The following VAMP4 variants were observed in gnomAD, a reference collection of about 807,000 sequenced individuals.
VAMP4 encodes the protein vesicle-associated membrane protein 4.
A neutral mutation model predicts 23.5 loss-of-function variants in VAMP4; 19 were observed. The ratio of observed to expected loss-of-function variants is 0.81; its 90% confidence interval spans 0.56 to 1.19. VAMP4 has a LOEUF of 1.19. Among genes scored for constraint, VAMP4 ranks in the 50% most tolerant of loss-of-function variants. The pLI, the probability that VAMP4 is intolerant of heterozygous loss-of-function variation, is 0.00. For missense variants in VAMP4, 145 were observed against 168.6 expected (o/e 0.86, Z 0.78); for synonymous variants, 31 against 51.0 (o/e 0.61, Z 1.67).
chr1:171,724,403 C>T (rs1655299474), intron 3 of VAMP4, among the ~76,000 whole-genome samples: 1 of 152,020 alleles, frequency 6.6e-6, no homozygotes. Context: ...AGCACACCAA[C>T]ATGGCACATG....
intron 4 of VAMP4, among the ~76,000 whole-genome samples, chr1:171,718,441 G>A (rs569442117): frequency 4.4e-4 from 67 of 152,170 alleles, no homozygotes; most frequent in African/African-American, 1.5e-3. Flanking sequence ...TCCCTCAAGT[G>A]ACTCACTGCT....
At chr1:171,726,520 T>G (rs1655376764) in intron 3 of VAMP4, among the ~76,000 whole-genome samples, 1 of 152,186 alleles carries the variant, frequency 6.6e-6, no homozygotes, top group Non-Finnish European at 1.5e-5. Flanking sequence ...AAAGGATTGA[T>G]CAGGTCAACT....
chr1:171,721,099 G>A (rs537247498), intron 3 of VAMP4, among the ~76,000 whole-genome samples: 22 of 152,080 alleles, frequency 1.4e-4, no homozygotes, highest in African/African-American at 5.1e-4. Context: ...AAAATCCAAC[G>A]TCAGCTAATG....
chr1:171,703,403 GTGTGTGTGTGTGTGTT>G lies in VAMP4; in HGVS notation c.*1087_*1102del. 9.8e-6 allele frequency: 1 copy of G among 101,888 alleles called. No individual in the cohort carries two copies. Among genetic ancestry groups the G allele is most frequent in the Non-Finnish European group, 2.0e-5 (1 of 50,466 alleles). 6.3% of individuals were successfully genotyped at this position (101,888 alleles called of 1,614,324 possible). On this transcript the variant is annotated 3_prime_UTR_variant, in exon 8 of 8. Transcript: ENST00000236192. ...TTATCATATGTGTGCGTGTGTGTGT[GTGTGTGTGTGTGTGTT>G]TGTGTGTATATATATATATATATAT...
chr1:171,727,318 C>G (rs1655408035), intron 3 of VAMP4, among the ~76,000 whole-genome samples: 1 of 144,778 alleles, frequency 6.9e-6, no homozygotes, highest in South Asian at 2.3e-4. Context: ...TGAACACATA[C>G]TTCACCAAAG....
rs547213270 is a variant in VAMP4 at position 171,728,827 on chromosome 1, T to C, written c.67-257A>G. Among the ~76,000 whole-genome samples the C allele has an allele frequency of 2.0e-3, 304 of 152,288 alleles. 3 individuals carry two copies. Among genetic ancestry groups the C allele is most frequent in the South Asian group, 0.011 (51 of 4,824 alleles). ...GGTAGAAAGGTCACTGAAGCTGGTA[T>C]GGGAGTGAGGAACTGCAGGTAGTCA... is the stretch of plus-strand genomic sequence containing the variant. On this transcript the variant is annotated intron_variant, in intron 2 of 7. Transcript: ENST00000236192.
chr1:171,730,057 T>C (rs918558601), intron 2 of VAMP4, among the ~76,000 whole-genome samples: 3 of 152,126 alleles, frequency 2.0e-5, no homozygotes, highest in Admixed American at 1.3e-4. Context: ...CTCTAGGAGC[T>C]AGGAAAAGCA....
chr1:171,735,790 T>C (rs897784796), intron 2 of VAMP4, among the ~76,000 whole-genome samples: 1 of 152,204 alleles, frequency 6.6e-6, no homozygotes, highest in Non-Finnish European at 1.5e-5. Flanking sequence ...CTGGGTTCCT[T>C]TATAGGTTCA....
chr1:171,713,410 G>T (rs1654918223), intron 4 of VAMP4, among the ~76,000 whole-genome samples: 1 of 151,950 alleles, frequency 6.6e-6, no homozygotes, highest in African/African-American at 2.4e-5. Context: ...TAGCTATTAT[G>T]GATATTAATA....
intron 2 of VAMP4, among the ~76,000 whole-genome samples, chr1:171,735,521 A>G (rs1386530367): frequency 1.3e-5 from 2 of 152,184 alleles, no homozygotes; most frequent in Non-Finnish European, 2.9e-5. Flanking sequence ...GGACTGAGGT[A>G]TTTACCTGAC....
chr1:171,707,042 A>G (rs1186950086), intron 6 of VAMP4, among the ~76,000 whole-genome samples: 1 of 152,170 alleles, frequency 6.6e-6, no homozygotes, highest in Non-Finnish European at 1.5e-5. Context: ...CAATGAATAG[A>G]GTTTTCTTCC....
chr1:171,739,373 G>C (rs1486360232), intron 1 of VAMP4, among the ~76,000 whole-genome samples: 4 of 152,226 alleles, frequency 2.6e-5, no homozygotes, highest in Admixed American at 2.6e-4. Flanking sequence ...GGCACACCTG[G>C]AGAGGGCACA....
intron 7 of VAMP4, among the ~76,000 whole-genome samples, chr1:171,705,949 A>ATACT (rs1654635886): frequency 6.6e-6 from 1 of 152,160 alleles, no homozygotes; most frequent in Non-Finnish European, 1.5e-5. Flanking sequence ...ATTTGGATTT[A>ATACT]TACTTCCAAA....
rs770635570 is a variant in VAMP4 at position 171,738,463 on chromosome 1, C to T, written c.-49G>A. ...TTGCTTCTCAACAGGATAGTCACCA[C>T]CTTAAAGAGAAAATAAATTTCATCA... On this transcript the variant is annotated splice_region_variant and 5_prime_UTR_variant, in exon 2 of 8. It adds an upstream start codon to the 5' untranslated region. Transcript: ENST00000236192. 3 of 1,558,832 alleles carry T rather than the reference C, an allele frequency of 1.9e-6. No homozygotes were observed. The highest frequency in any genetic ancestry group is 2.2e-5 in the East Asian group (1 of 44,600).
At chr1:171,712,731 G>A (rs916292536) in intron 4 of VAMP4, among the ~76,000 whole-genome samples, 6 of 152,162 alleles carry the variant, frequency 3.9e-5, no homozygotes, top group Non-Finnish European at 7.4e-5. Flanking sequence ...AGTTAAAGGT[G>A]TTCATCCTAT....
chr1:171,703,349 T>TCTC lies in VAMP4; in HGVS notation c.*1154_*1156dup, dbSNP rs999134472. ...AAAACAGGCTTAGGTTAATGGTCACTCTCTAGCATTTGGTTACCGACTGAC... is the reference window on the plus strand; with the variant it reads ...AAAACAGGCTTAGGTTAATGGTCACTCTCCTCTAGCATTTGGTTACCGACTGAC... On this transcript the variant is annotated 3_prime_UTR_variant, in exon 8 of 8. Coordinates refer to ENST00000236192, the MANE Select transcript of VAMP4 (RefSeq NM_003762.5). The TCTC allele has an allele frequency of 6.7e-6, 1 of 148,390 alleles. No individual in the cohort carries two copies. The highest frequency in any genetic ancestry group is 1.5e-5 in the Non-Finnish European group (1 of 66,980). The allele number at this position is 148,390 out of a possible 1,614,324, so 9.2% of individuals were successfully genotyped here. A position where few individuals can be genotyped will look rare whatever the true frequency, so the allele number is the denominator to read the frequency against.
At chr1:171,727,592 A>G (rs1655415844) in intron 3 of VAMP4, among the ~76,000 whole-genome samples, 1 of 152,212 alleles carries the variant, frequency 6.6e-6, no homozygotes, top group Non-Finnish European at 1.5e-5. Flanking sequence ...ACTCCTAGGT[A>G]TTTTTATTTC....
Position 171,703,220 on chromosome 1 carries a change from C to T in VAMP4, c.*1286G>A, listed in dbSNP as rs1017558470. ...CAGAATCACTAATTTTATTATAAAG[C>T]TTCCTCTCCCCACACCTTAGGGGAC... On this transcript the variant is annotated 3_prime_UTR_variant, in exon 8 of 8. Coordinates refer to ENST00000236192, the MANE Select transcript of VAMP4 (RefSeq NM_003762.5). 12 of 151,274 alleles carry T rather than the reference C, an allele frequency of 7.9e-5. No homozygotes were observed. The highest frequency in any genetic ancestry group is 2.9e-4 in the African/African-American group (12 of 41,318). The allele number at this position is 151,274 out of a possible 1,614,324, so 9.4% of individuals were successfully genotyped here.
In VAMP4 at chr1:171,704,015, G is replaced by C. The variant is rs1654565708; in HGVS notation, c.*491C>G. ...AGCTTTTGTTACACCTATAAATGTG[G>C]AAATTGCTTGCAAAACAACTGTAAT... On this transcript the variant is annotated 3_prime_UTR_variant, in exon 8 of 8. Coordinates refer to ENST00000236192, the MANE Select transcript of VAMP4 (RefSeq NM_003762.5). 6.6e-6 allele frequency: 1 copy of C among 152,358 alleles called. No homozygotes were observed. The highest frequency in any genetic ancestry group is 2.1e-4 in the South Asian group (1 of 4,814). 9.4% of individuals were successfully genotyped at this position (152,358 alleles called of 1,614,324 possible). A position where few individuals can be genotyped will look rare whatever the true frequency, so the allele number is the denominator to read the frequency against.
Sources: allele counts gnomAD v4.1 joint callset (sites outside exome capture counted in the v4.1 genomes callset), GRCh38; gene constraint gnomAD v4.1.1; transcripts MANE v1.5; gene names NCBI Gene and HGNC (gene_info 2026-07-23, HGNC 2026-07-21).